NPC1: variants seen among roughly 807,000 people sequenced by gnomAD.
NPC1 encodes NPC intracellular cholesterol transporter 1, also known as Niemann-Pick C1 protein.
A neutral mutation model predicts 140.4 loss-of-function variants in NPC1; 85 were observed. The ratio of observed to expected loss-of-function variants is 0.61; its 90% CI spans 0.51 to 0.72. The LOEUF (loss-of-function observed/expected upper bound fraction) is 0.72, where lower values mean the gene tolerates loss of function less well. NPC1 is among the 30% of genes least tolerant of loss of function. The probability of loss-of-function intolerance (pLI) is 0.00; values close to 1 mark genes in which losing one functional copy is unlikely to be tolerated. For missense variants in NPC1, 1,504 were observed against 1,623.8 expected, an observed-to-expected ratio of 0.93 and a Z score of 1.27; for synonymous variants, 656 against 624.8, an observed-to-expected ratio of 1.05 and a Z score of -0.74.
At chr18:23,517,147 CTT>C (rs561567719) in intron 3 of NPC1, among the ~76,000 whole-genome samples, 1 of 145,772 alleles carries the variant, frequency 6.9e-6, no homozygotes, top group African/African-American at 2.5e-5. Flanking sequence ...TTTTCTTTTA[CTT>C]TTTTTTTTTG....
intron 6 of NPC1, among the ~76,000 whole-genome samples, chr18:23,559,846 T>C (rs938758014): frequency 5.9e-5 from 9 of 152,050 alleles, no homozygotes; most frequent in African/African-American, 2.2e-4. Flanking sequence ...TAATCCCAGC[T>C]ACTCAGGAGG....
intron 20 of NPC1, among the ~76,000 whole-genome samples, 186 bp downstream of exon 20, chr18:23,538,356 T>C (rs553014610): frequency 2.6e-5 from 4 of 152,334 alleles, no homozygotes; most frequent in East Asian, 1.9e-4. Context: ...ACAGAATCAG[T>C]TGAACACTAT....
At position 23,544,952 on chromosome 18, in the gene NPC1, C is replaced by CCCCCCCCCT; in HGVS notation, c.1947+7_1947+8insAGGGGGGGG. 1 of 1,430,730 alleles carries CCCCCCCCCT rather than the reference C, an allele frequency of 7.0e-7. No individual in the cohort carries two copies. The allele number at this position is 1,430,730 out of a possible 1,614,324, so 88.6% of individuals were successfully genotyped here. A position where few individuals can be genotyped will look rare whatever the true frequency, so the allele number is the denominator to read the frequency against. On this transcript the variant is annotated splice_region_variant and intron_variant, in intron 12 of 24. Transcript: ENST00000269228. ...CTCTAGAACATACACCACCCCCCCC[C>CCCCCCCCCT]GGCTTACCAGAAGCCTGCGACAGCT...
At chr18:23,519,060 A>G (rs776886183), downstream of NPC1, 45 of 1,613,770 alleles carry the variant, frequency 2.8e-5, no homozygotes, top group Middle Eastern at 1.6e-4. Flanking sequence ...TTTGCTTTCT[A>G]TCCTACAGAG....
At chr18:23,527,664 G>GAATTGTATTTCT, downstream of NPC1, 2 of 607,866 alleles carry the variant, frequency 3.3e-6, no homozygotes, top group South Asian at 1.7e-5. Context: ...GGTCTTTAAA[G>GAATTGTATTTCT]TAGAGTGTCC....
intron 20 of NPC1, 60 bp from the exon 21 acceptor site, chr18:23,536,936 T>C (rs2058639878): frequency 7.1e-7 from 1 of 1,404,824 alleles, no homozygotes; most frequent in East Asian, 2.3e-5. Context: ...CAGCAGAATC[T>C]GAGCACTTGA....
chr18:23,516,133 T>G, intron 3 of NPC1: 4 of 1,385,926 alleles, frequency 2.9e-6, no homozygotes, highest in Non-Finnish European at 4.0e-6. Context: ...GAGGGCACTC[T>G]GTATACCCGT....
intron 8 of NPC1, 83 bp from the exon 9 acceptor site, chr18:23,555,067 G>C (rs954073461): frequency 2.3e-6 from 2 of 882,450 alleles, no homozygotes; most frequent in African/African-American, 3.3e-5. Context: ...TTGCCCTGAG[G>C]GTCAGAAGAC....
rs374224848 is a variant in NPC1, at chr18:23,523,543, C to CAAAAAA, written c.164-643_164-638dup. Among the ~76,000 whole-genome samples, 58 of 76,356 alleles carry CAAAAAA rather than the reference C, an allele frequency of 7.6e-4. 3 individuals are homozygous for CAAAAAA. Among genetic ancestry groups the CAAAAAA allele is most frequent in the African/African-American group, 2.4e-3 (42 of 17,418 alleles). The allele number at this position is 76,356 out of a possible 152,430, so 50.1% of individuals were successfully genotyped here. A position where few individuals can be genotyped will look rare whatever the true frequency, so the allele number is the denominator to read the frequency against. Reference sequence around the variant, plus strand: ...CTAGGTAACATAGACCTTGTCTTCACAAAAAAAAAAAAAAAAAAAAAAAAA... The same window carrying CAAAAAA: ...CTAGGTAACATAGACCTTGTCTTCACAAAAAAAAAAAAAAAAAAAAAAAAAAAAAAA... On this transcript the variant is annotated intron_variant, in intron 1 of 1. Transcript: ENST00000590723.
In NPC1 at chr18:23,572,187, G is replaced by T; in HGVS notation, c.181-7C>A. ...AGAATCCTGGACAGAGTTCCTTTCA[G>T]GTGAAAGAGCACAGACACGGGAGTA... is the stretch of plus-strand genomic sequence containing the variant. On this transcript the variant is annotated splice_region_variant and splice_polypyrimidine_tract_variant and intron_variant, in intron 2 of 24. Coordinates refer to ENST00000269228, the MANE Select transcript of NPC1 (RefSeq NM_000271.5). 6.2e-7 allele frequency: 1 copy of T among 1,605,388 alleles called. No individual in the cohort carries two copies. The highest frequency in any genetic ancestry group is 8.5e-7 in the Non-Finnish European group (1 of 1,172,592).
chr18:23,511,458 T>A (rs1370522528), intron 3 of NPC1, among the ~76,000 whole-genome samples: 1 of 152,188 alleles, frequency 6.6e-6, no homozygotes, highest in Non-Finnish European at 1.5e-5. Context: ...CCTTCACATC[T>A]ATCCCTGAAC....
At chr18:23,540,401 CATCAGCTAA>C (rs2058696531) in intron 17 of NPC1, 38 bp downstream of exon 17, 2 of 1,200,588 alleles carry the variant, frequency 1.7e-6, no homozygotes, top group Non-Finnish European at 2.4e-6. Context: ...ATGTATTCAT[CATCAGCTAA>C]AGAAGTTAAA....
downstream of NPC1, among the ~76,000 whole-genome samples, chr18:23,527,616 G>A (rs2058343628): frequency 1.7e-5 from 2 of 114,586 alleles, no homozygotes; most frequent in Non-Finnish European, 1.7e-5. Flanking sequence ...TTTTTTAACC[G>A]TAACCAGAAA....
chr18:23,550,479 C>CTTCTTTTTTTTTTTTTTTTTTTTTTT (rs746388624), intron 10 of NPC1, among the ~76,000 whole-genome samples: 16 of 74,946 alleles, frequency 2.1e-4, no homozygotes, highest in African/African-American at 1.0e-3. Flanking sequence ...TCTTACATTT[C>CTTCTTTTTTTTTTTTTTTTTTTTTTT]TTTTTTTTTT....
Position 23,556,522 on chromosome 18 carries a change from G to A in NPC1, c.1047C>T (p.Asn349=). 1 of 1,614,174 alleles carries A rather than the reference G, an allele frequency of 6.2e-7. No individual in the cohort carries two copies. The highest frequency in any genetic ancestry group is 8.5e-7 in the Non-Finnish European group (1 of 1,180,028). Reference sequence around the variant, plus strand: ...GCGAGAAGAAAATGACACAGCCAGGGTTTCGGACGCAGAAAGACCCCCAGC... The same window carrying A: ...GCGAGAAGAAAATGACACAGCCAGGATTTCGGACGCAGAAAGACCCCCAGC... The part of the protein sequence containing the change: ...FTRWGSFCVR[N]PGCVIFFSLV... The change falls in exon 8 of 25, where the codon AAC becomes AAT. Residue 349 remains asparagine, a synonymous_variant. Coordinates refer to ENST00000269228, the MANE Select transcript of NPC1 (RefSeq NM_000271.5).
Position 23,586,355 on chromosome 18 carries a change from G to C in NPC1, c.-12C>G. On this transcript the variant is annotated 5_prime_UTR_variant, in exon 1 of 25. Transcript: ENST00000269228. ...CCGCGAGCGGTCATGCTGTGGCCGC[G>C]CAAGGCTGCTGACGCCGGCGGCGTT... 6.5e-7 allele frequency: 1 copy of C among 1,532,374 alleles called. No individual in the cohort carries two copies. Among genetic ancestry groups the C allele is most frequent in the South Asian group, 1.2e-5 (1 of 83,714 alleles). 94.9% of individuals were successfully genotyped at this position (1,532,374 alleles called of 1,614,324 possible).
At chr18:23,564,549 C>T (rs2059094514) in intron 4 of NPC1, among the ~76,000 whole-genome samples, 1 of 152,028 alleles carries the variant, frequency 6.6e-6, no homozygotes, top group Non-Finnish European at 1.5e-5. Flanking sequence ...TCTTGAACTC[C>T]CGGGCTCAAG....
chr18:23,544,803 T>C (rs187395883), intron 12 of NPC1, among the ~76,000 whole-genome samples, 157 bp downstream of exon 12: 55 of 152,096 alleles, frequency 3.6e-4, no homozygotes, highest in African/African-American at 1.3e-3. Flanking sequence ...ATGAAGAAAA[T>C]AGATGTAGGC....
At chr18:23,510,520 AC>A (rs952390618) in intron 3 of NPC1, among the ~76,000 whole-genome samples, 14 of 151,624 alleles carry the variant, frequency 9.2e-5, no homozygotes, top group African/African-American at 3.2e-4. Context: ...GGTGGCAGGC[AC>A]CTGTAATCCC....
Sources: allele counts gnomAD v4.1 joint callset (sites outside exome capture counted in the v4.1 genomes callset), GRCh38; gene constraint gnomAD v4.1.1; transcripts MANE v1.5; gene names NCBI Gene and HGNC (gene_info 2026-07-23, HGNC 2026-07-21).